The following SLF2 variants were observed in gnomAD, a reference collection of about 807,000 sequenced individuals.
SLF2 encodes the protein SMC5-SMC6 complex localization factor protein 2.
In SLF2, 68 loss-of-function variants were observed where a neutral mutation model predicts 124.3. That is an observed-to-expected ratio of 0.55 (90% CI 0.45 to 0.67). The LOEUF (loss-of-function observed/expected upper bound fraction) is 0.67, where lower values mean the gene tolerates loss of function less well. Among genes scored for constraint, SLF2 ranks in the 30% least tolerant of loss-of-function variants. The pLI, the probability that SLF2 is intolerant of heterozygous loss-of-function variation, is 0.00. For missense variants in SLF2, 1,246 were observed against 1,373.7 expected (o/e 0.91, Z 1.47); for synonymous variants, 480 against 478.8 (o/e 1.00, Z -0.03).
At chr10:100,944,708 AC>A (rs1283176234) in intron 12 of SLF2, among the ~76,000 whole-genome samples, 1 of 152,096 alleles carries the variant, frequency 6.6e-6, no homozygotes, top group Non-Finnish European at 1.5e-5. Context: ...AAAAAGACTT[AC>A]AATACAACTT....
rs1455778145 is a variant in SLF2, at chr10:100,945,363, G to A, written c.2791G>A (p.Gly931Ser). ...LGLCTSIHPE[G>S]YQDREIMLLI... is the part of the protein sequence containing the mutation. ...CTTGTGTACATCTATACATCCAGAA[G>A]GTTACCAGGATCGTGAAATAATGTT... Residue 931 changes from glycine to serine, a missense_variant, in exon 13 of 20, where the codon GGT becomes AGT. Coordinates refer to ENST00000238961, the MANE Select transcript of SLF2 (RefSeq NM_018121.4). 6.3e-7 allele frequency: 1 copy of A among 1,599,704 alleles called. No individual in the cohort carries two copies.
At position 100,916,604 on chromosome 10, in the gene SLF2, C is replaced by CTT. The variant is rs1849417691; in HGVS notation, c.219_220insTT (p.Ile74LeufsTer40). On this transcript the variant is annotated frameshift_variant, in exon 3 of 20. Coordinates refer to ENST00000238961, the MANE Select transcript of SLF2 (RefSeq NM_018121.4). LOFTEE classifies it high-confidence loss of function. ...TGTTGGATTCACCACAAAAATCAAA[C>CTT]ATCAAATATGGAGGAAGTAGATTGT... 1 of 1,409,912 alleles carries CTT rather than the reference C, an allele frequency of 7.1e-7. No individual in the cohort carries two copies. The highest frequency in any genetic ancestry group is 9.3e-7 in the Non-Finnish European group (1 of 1,077,856). The allele number at this position is 1,409,912 out of a possible 1,614,324, so 87.3% of individuals were successfully genotyped here.
At position 100,924,242 on chromosome 10, in the gene SLF2, A is replaced by C; in HGVS notation, c.1241A>C (p.Asn414Thr). The C allele has an allele frequency of 6.2e-7, 1 of 1,614,166 alleles. No individual in the cohort carries two copies. Among genetic ancestry groups the C allele is most frequent in the East Asian group, 2.2e-5 (1 of 44,886 alleles). Reference sequence around the variant, plus strand: ...GGCTTGGCACCTTCAAATTCTGGCAATTCTGGCCACCATTCTACCAGGAAT... The same window carrying C: ...GGCTTGGCACCTTCAAATTCTGGCACTTCTGGCCACCATTCTACCAGGAAT... ...SAGLAPSNSG[N>T]SGHHSTRNSD... Residue 414 changes from asparagine to threonine, a missense_variant, in exon 5 of 20, where the codon AAT becomes ACT. Transcript: ENST00000238961.
At chr10:100,941,987 A>G (rs1408439247) in intron 11 of SLF2, among the ~76,000 whole-genome samples, 2 of 152,218 alleles carry the variant, frequency 1.3e-5, no homozygotes, top group Non-Finnish European at 2.9e-5. Context: ...CTGCAAAGGT[A>G]TGTAATATAC....
At position 100,925,940 on chromosome 10, in the gene SLF2, T is replaced by C; in HGVS notation, c.1972-9T>C. 2 of 1,568,616 alleles carry C rather than the reference T, an allele frequency of 1.3e-6. No homozygotes were observed. The highest frequency in any genetic ancestry group is 4.5e-5 in the East Asian group (2 of 44,532). ...TGTGGTAAAGTATTTCTAAATGTTC[T>C]TGTTTTAGGGACATGTTCATCCTGG... On this transcript the variant is annotated splice_polypyrimidine_tract_variant and intron_variant, in intron 5 of 19. Coordinates refer to ENST00000238961, the MANE Select transcript of SLF2 (RefSeq NM_018121.4).
chr10:100,916,121 C>G (rs1849408190), intron 2 of SLF2, 79 bp downstream of exon 2: 1 of 1,090,022 alleles, frequency 9.2e-7, no homozygotes, highest in Admixed American at 2.0e-5. Flanking sequence ...AAAACCTACT[C>G]TAAACTGTTT....
At chr10:100,953,314 C>T (rs1043246648) in intron 17 of SLF2, among the ~76,000 whole-genome samples, 1 of 151,204 alleles carries the variant, frequency 6.6e-6, no homozygotes, top group Non-Finnish European at 1.5e-5. Context: ...TCCACCATGC[C>T]GGCTATAAAT....
At position 100,930,957 on chromosome 10, in the gene SLF2, T is replaced by G; in HGVS notation, c.2334-19T>G. On this transcript the variant is annotated intron_variant, in intron 8 of 19. Transcript: ENST00000238961. ...GCCATGAAGTTAATAGCCATGTTGA[T>G]TTTACTTTATTTTTTCAGATCGGGA... is the stretch of plus-strand genomic sequence containing the variant. 1.3e-6 allele frequency: 2 copies of G among 1,597,558 alleles called. No individual in the cohort carries two copies. Among genetic ancestry groups the G allele is most frequent in the Non-Finnish European group, 1.7e-6 (2 of 1,165,534 alleles).
chr10:100,957,492 A>G (rs1159377159), intron 18 of SLF2, among the ~76,000 whole-genome samples: 1 of 151,118 alleles, frequency 6.6e-6, no homozygotes, highest in Non-Finnish European at 1.5e-5. Context: ...CTGGGATTAC[A>G]GGCGCCCGCT....
intron 8 of SLF2, among the ~76,000 whole-genome samples, 161 bp from the exon 9 acceptor site, chr10:100,930,815 T>C (rs561034387): frequency 1.3e-4 from 20 of 152,344 alleles, no homozygotes; most frequent in Middle Eastern, 6.8e-3. Flanking sequence ...ATTAAATTTA[T>C]TTTATGAGTA....
At chr10:100,936,025 A>AT (rs1448091436) in intron 9 of SLF2, among the ~76,000 whole-genome samples, 1 of 151,052 alleles carries the variant, frequency 6.6e-6, no homozygotes, top group African/African-American at 2.4e-5. Flanking sequence ...CACCCAGCTA[A>AT]TTTTTAAAAA....
chr10:100,943,769 T>C, intron 11 of SLF2: 1 of 333,348 alleles, frequency 3.0e-6, no homozygotes, highest in South Asian at 5.8e-5. Context: ...AGTGTTTGCC[T>C]TGAGTCAGGG....
In SLF2 at chr10:100,924,566, A is replaced by G. The variant is rs1849577986; in HGVS notation, c.1565A>G (p.Lys522Arg). The G allele has an allele frequency of 1.2e-6, 2 of 1,614,030 alleles. No homozygotes were observed. Among genetic ancestry groups the G allele is most frequent in the East Asian group, 2.2e-5 (1 of 44,898 alleles). The change falls in exon 5 of 20, where the codon AAG becomes AGG. Residue 522 changes from lysine to arginine, a missense_variant. Coordinates refer to ENST00000238961, the MANE Select transcript of SLF2 (RefSeq NM_018121.4). ...SGHSTESTKH[K>R]EHKAKTNKAD... The stretch of plus-strand genomic sequence containing the variant: ...CATTCTACAGAATCCACCAAACACA[A>G]GGAACACAAAGCAAAGACTAATAAG...
chr10:100,942,854 C>T (rs1164559663), intron 11 of SLF2, among the ~76,000 whole-genome samples: 1 of 152,164 alleles, frequency 6.6e-6, no homozygotes, highest in African/African-American at 2.4e-5. Context: ...GTCTTGATCT[C>T]CTGGGCTCAG....
At chr10:100,926,135 G>T in intron 6 of SLF2, 116 bp downstream of exon 6, 1 of 1,574,240 alleles carries the variant, frequency 6.4e-7, no homozygotes, top group Non-Finnish European at 8.6e-7. Context: ...TTTGGACTCT[G>T]TTGTCAACTG....
intron 4 of SLF2, among the ~76,000 whole-genome samples, chr10:100,921,650 A>G (rs1048114857): frequency 6.6e-6 from 1 of 152,204 alleles, no homozygotes; most frequent in East Asian, 1.9e-4. Flanking sequence ...TTCCACAAAC[A>G]GTGTTTGTCT....
At chr10:100,938,086 A>G (rs568912045) in intron 10 of SLF2, among the ~76,000 whole-genome samples, 11 of 152,312 alleles carry the variant, frequency 7.2e-5, no homozygotes, top group African/African-American at 2.6e-4. Context: ...TACTTAGCCA[A>G]TTAAGTTTAA....
intron 19 of SLF2, 24 bp from the exon 20 acceptor site, chr10:100,961,853 C>CT (rs781698624): frequency 1.2e-6 from 2 of 1,604,772 alleles, no homozygotes; most frequent in East Asian, 2.2e-5. Context: ...GCTTTACCCT[C>CT]TTTTTTCTCC....
chr10:100,927,105 A>G (rs1164606426), intron 6 of SLF2, among the ~76,000 whole-genome samples: 1 of 152,190 alleles, frequency 6.6e-6, no homozygotes, highest in Non-Finnish European at 1.5e-5. Flanking sequence ...AAATACATAT[A>G]AAATTTACCA....
Sources: allele counts gnomAD v4.1 joint callset (sites outside exome capture counted in the v4.1 genomes callset), GRCh38; gene constraint gnomAD v4.1.1; transcripts MANE v1.5; gene names NCBI Gene and HGNC (gene_info 2026-07-23, HGNC 2026-07-21).